DACH1: variants seen among roughly 807,000 people sequenced by gnomAD.
DACH1 encodes the protein dachshund family transcription factor 1.
Under a neutral mutation model 54.2 loss-of-function variants are expected in DACH1, and 12 were observed. The observed-to-expected ratio is 0.22, with a 90% CI of 0.14 to 0.36. The LOEUF (loss-of-function observed/expected upper bound fraction) is 0.36. Ranked by LOEUF, DACH1 falls within the 10% of genes least tolerant of loss-of-function variation. The pLI, the probability that DACH1 is intolerant of heterozygous loss-of-function variation, is 1.00. For missense variants in DACH1, 805 were observed against 929.8 expected (o/e 0.87, Z 1.75); for synonymous variants, 386 against 366.2 (o/e 1.05, Z -0.62).
Position 71,806,854 on chromosome 13 carries a change from T to A in DACH1, c.848+59068A>T, listed in dbSNP as rs897401451. Among the ~76,000 whole-genome samples, 19 of 152,326 alleles carry A rather than the reference T, an allele frequency of 1.2e-4. No homozygotes were observed. In the Middle Eastern group the frequency reaches 0.017, roughly 136 times the overall value. The stretch of plus-strand genomic sequence containing the variant: ...CCAAAGTGATGGAGTTCTTCCAAAA[T>A]GTCATGACTTTTTCATTAACATACC... On this transcript the variant is annotated intron_variant, in intron 1 of 10. Coordinates refer to ENST00000613252, the MANE Select transcript of DACH1 (RefSeq NM_080759.6).
intron 1 of DACH1, among the ~76,000 whole-genome samples, chr13:71,835,644 T>C (rs1888754376): frequency 6.6e-6 from 1 of 152,084 alleles, no homozygotes; most frequent in African/African-American, 2.4e-5. Context: ...CCCATGATAG[T>C]CCTAGTTTAT....
rs1442545033 is a variant in DACH1, at chr13:71,798,442, C to T, written c.848+67480G>A. Among the ~76,000 whole-genome samples, 9 of 148,892 alleles carry T rather than the reference C, an allele frequency of 6.0e-5. No individual in the cohort carries two copies. The East Asian group carries it at 1.8e-3, about 29-fold the overall frequency. On this transcript the variant is annotated intron_variant, in intron 1 of 10. Coordinates refer to ENST00000613252, the MANE Select transcript of DACH1 (RefSeq NM_080759.6). The stretch of plus-strand genomic sequence containing the variant: ...CTTAAGGTGCATTCATACACCCAAA[C>T]AATATGACTTGAGTATTTTCCATAA...
intron 1 of DACH1, among the ~76,000 whole-genome samples, chr13:71,765,967 A>G (rs7329472): frequency 0.73 from 109,975 of 149,832 alleles, 40,674 homozygotes; most frequent in East Asian, 0.98. Flanking sequence ...GCTCACTGCA[A>G]GCTCCGCCTC....
chr13:71,809,184 A>G (rs985835835), intron 1 of DACH1, among the ~76,000 whole-genome samples: 1 of 152,194 alleles, frequency 6.6e-6, no homozygotes, highest in Non-Finnish European at 1.5e-5. Flanking sequence ...ACAAAAAACA[A>G]ATATGTGAAA....
chr13:71,864,671 C>A lies in DACH1; in HGVS notation c.848+1251G>T, dbSNP rs183081360. On this transcript the variant is annotated intron_variant, in intron 1 of 10. Transcript: ENST00000613252. ...GCCTCTGCGCTTCCTTGCAGAGAAC[C>A]GTGGGGACAAAGCGGCGCTGTGAAA... 2.0e-5 allele frequency among the ~76,000 whole-genome samples: 3 copies of A among 152,214 alleles called. No individual in the cohort carries two copies. The East Asian group carries it at 5.8e-4, about 30-fold the overall frequency.
intron 3 of DACH1, among the ~76,000 whole-genome samples, chr13:71,597,773 G>T (rs1446433821): frequency 6.6e-6 from 1 of 152,100 alleles, no homozygotes; most frequent in Admixed American, 6.6e-5. Flanking sequence ...CCTAGTAAGT[G>T]CTCAAAAAAT....
At position 71,561,961 on chromosome 13, in the gene DACH1, T is replaced by TA. The variant is rs770439380; in HGVS notation, c.1300-2007dup. ...TTTCCTAACATATATTCCATGGAAT[T>TA]AAAAAAAAAAAGCGCTATAAGAAGC... On this transcript the variant is annotated intron_variant, in intron 4 of 10. Coordinates refer to ENST00000613252, the MANE Select transcript of DACH1 (RefSeq NM_080759.6). 7.4e-3 allele frequency among the ~76,000 whole-genome samples: 1,065 copies of TA among 143,388 alleles called. 9 individuals carry two copies. Among genetic ancestry groups the TA allele is most frequent in the African/African-American group, 0.019 (730 of 39,300 alleles). 94.1% of individuals were successfully genotyped at this position (143,388 alleles called of 152,430 possible).
intron 1 of DACH1, among the ~76,000 whole-genome samples, chr13:71,865,294 C>A (rs1310852460): frequency 6.6e-6 from 1 of 152,162 alleles, no homozygotes; most frequent in Non-Finnish European, 1.5e-5. Context: ...GGGATGGACC[C>A]GGTCTCTCAG....
intron 1 of DACH1, among the ~76,000 whole-genome samples, chr13:71,733,405 G>T (rs925733611): frequency 6.6e-6 from 1 of 152,082 alleles, no homozygotes; most frequent in Non-Finnish European, 1.5e-5. Context: ...TGGTCTTGAA[G>T]TCCTGGGTTC....
At chr13:71,615,295 A>G (rs1289519254) in intron 3 of DACH1, among the ~76,000 whole-genome samples, 2 of 152,218 alleles carry the variant, frequency 1.3e-5, no homozygotes, top group African/African-American at 4.8e-5. Flanking sequence ...TTATCTATCA[A>G]TAGTAATTAA....
chr13:71,487,039 C>A (rs929100104), intron 7 of DACH1, among the ~76,000 whole-genome samples: 12 of 151,684 alleles, frequency 7.9e-5, no homozygotes, highest in African/African-American at 2.9e-4. Context: ...TTAGTAGAGA[C>A]GGGGCTTCAT....
At chr13:71,798,246 A>G (rs543388032) in intron 1 of DACH1, among the ~76,000 whole-genome samples, 1 of 149,964 alleles carries the variant, frequency 6.7e-6, no homozygotes, top group Admixed American at 6.7e-5. Context: ...ATATGCTTTT[A>G]TCTGTTTGAC....
intron 6 of DACH1, among the ~76,000 whole-genome samples, chr13:71,498,851 A>G (rs557197623): frequency 1.3e-5 from 2 of 152,066 alleles, no homozygotes; most frequent in Non-Finnish European, 2.9e-5. Flanking sequence ...TCAAAAAAGA[A>G]TCTTTAGTTT....
chr13:71,736,820 G>A (rs902616057), intron 1 of DACH1, among the ~76,000 whole-genome samples: 1 of 152,170 alleles, frequency 6.6e-6, no homozygotes, highest in East Asian at 1.9e-4. Flanking sequence ...AATCTATAAT[G>A]TATTAAATAC....
intron 4 of DACH1, 61 bp downstream of exon 4, chr13:71,572,779 G>A: frequency 6.6e-7 from 1 of 1,514,820 alleles, no homozygotes. Flanking sequence ...TAAGAAAAAT[G>A]GATTAAGGGA....
chr13:71,739,223 G>A (rs914282421), intron 1 of DACH1, among the ~76,000 whole-genome samples: 2 of 152,014 alleles, frequency 1.3e-5, no homozygotes, highest in Non-Finnish European at 2.9e-5. Context: ...TTGCATTCCA[G>A]CCTGGGTGAC....
At chr13:71,749,637 A>G (rs1252786664) in intron 1 of DACH1, among the ~76,000 whole-genome samples, 2 of 152,142 alleles carry the variant, frequency 1.3e-5, no homozygotes, top group Non-Finnish European at 2.9e-5. Flanking sequence ...GCATTCCCTT[A>G]AGTGCACAAT....
At chr13:71,572,707 AT>A (rs1356622357) in intron 4 of DACH1, 132 bp downstream of exon 4, 22 of 984,638 alleles carry the variant, frequency 2.2e-5, no homozygotes, top group African/African-American at 5.0e-5. Context: ...GCTACAAGTG[AT>A]TTTTTTTAAT....
chr13:71,778,477 T>G (rs1217885204), intron 1 of DACH1, among the ~76,000 whole-genome samples: 1 of 152,092 alleles, frequency 6.6e-6, no homozygotes, highest in Non-Finnish European at 1.5e-5. Flanking sequence ...AAAATTAACT[T>G]TCTGTGGATT....
Sources: gnomAD v4.1 joint callset for allele counts (sites outside exome capture counted in the v4.1 genomes callset) on GRCh38, gnomAD v4.1.1 for gene constraint, MANE v1.5 for transcripts, NCBI Gene and HGNC (gene_info 2026-07-23, HGNC 2026-07-21) for gene names.